The following RBFOX1 variants were observed in gnomAD, a reference collection of about 807,000 sequenced individuals.
RBFOX1 encodes RNA binding protein fox-1 homolog 1.
In RBFOX1, 8 loss-of-function variants were observed where a neutral mutation model predicts 57.7. That is an observed-to-expected ratio of 0.14 (90% CI 0.08 to 0.25). The LOEUF (loss-of-function observed/expected upper bound fraction) is 0.25, where lower values mean the gene tolerates loss of function less well. RBFOX1 is among the 10% of genes least tolerant of loss of function. RBFOX1 has a pLI of 1.00. For synonymous variants in RBFOX1, 326 were observed against 222.4 expected (o/e 1.47, Z -4.15); for missense variants, 611 against 548.5 (o/e 1.11, Z -1.14).
At chr16:6,728,610 C>T (rs551806469) in intron 3 of RBFOX1, among the ~76,000 whole-genome samples, 10 of 152,138 alleles carry the variant, frequency 6.6e-5, no homozygotes, top group Non-Finnish European at 1.2e-4. Flanking sequence ...TCAGAAGCTG[C>T]CTCATATTGG....
chr16:6,064,135 G>T (rs760126432), intron 1 of RBFOX1, among the ~76,000 whole-genome samples: 2 of 152,068 alleles, frequency 1.3e-5, no homozygotes, highest in Non-Finnish European at 2.9e-5. Flanking sequence ...ACTACTGAAG[G>T]TATTTCAGCT....
intron 4 of RBFOX1, among the ~76,000 whole-genome samples, chr16:7,265,824 C>G (rs1026334432): frequency 1.3e-5 from 2 of 152,132 alleles, no homozygotes; most frequent in African/African-American, 2.4e-5. Flanking sequence ...TTTGTCCCCA[C>G]TCAAATCTCA....
intron 4 of RBFOX1, among the ~76,000 whole-genome samples, chr16:7,513,418 G>T (rs188484154): frequency 1.3e-5 from 2 of 152,268 alleles, no homozygotes; most frequent in Non-Finnish European, 2.9e-5. Flanking sequence ...TTATTTCCCA[G>T]CTTTGGTCTG....
chr16:6,038,949 T>C lies in RBFOX1; in HGVS notation c.-127+18957T>C, dbSNP rs2095405440. ...TGTGCATCAGTGTCTATGTGTGGAT[T>C]AGCACTGACATATTACATACCAGCC... On this transcript the variant is annotated intron_variant, in intron 1 of 15. Transcript: ENST00000550418. 2.9e-5 allele frequency: 4 copies of C among 138,438 alleles called. No individual in the cohort carries two copies. The South Asian group carries it at 8.9e-4, about 31-fold the overall frequency. 8.6% of individuals were successfully genotyped at this position (138,438 alleles called of 1,614,324 possible).
At chr16:7,028,354 T>TA (rs1244430712) in intron 3 of RBFOX1, among the ~76,000 whole-genome samples, 1 of 152,072 alleles carries the variant, frequency 6.6e-6, no homozygotes, top group Admixed American at 6.6e-5. Flanking sequence ...GGGCTGGAGT[T>TA]AGATGGGATG....
intron 2 of RBFOX1, among the ~76,000 whole-genome samples, chr16:6,504,247 C>T (rs2096025492): frequency 6.6e-6 from 1 of 152,156 alleles, no homozygotes; most frequent in African/African-American, 2.4e-5. Flanking sequence ...TATGTCGATT[C>T]TGAGCTTCTC....
At chr16:5,873,031 G>C (rs376412225) in intron 4 of RBFOX1, among the ~76,000 whole-genome samples, 164 of 152,074 alleles carry the variant, frequency 1.1e-3, no homozygotes, top group African/African-American at 3.9e-3. Context: ...CGCACCTGTA[G>C]TCCTAGCTAC....
chr16:6,313,884 C>G (rs1045066794), intron 1 of RBFOX1, among the ~76,000 whole-genome samples: 1 of 151,922 alleles, frequency 6.6e-6, no homozygotes, highest in Non-Finnish European at 1.5e-5. Flanking sequence ...TTAGGGTTTT[C>G]TTGCTGTCTG....
intron 3 of RBFOX1, among the ~76,000 whole-genome samples, chr16:7,032,717 C>G (rs114325950): frequency 6.6e-6 from 1 of 151,964 alleles, no homozygotes; most frequent in Non-Finnish European, 1.5e-5. Flanking sequence ...GTAGTTTTAT[C>G]CTCGAATTTC....
At chr16:6,328,122 T>G (rs2082589038) in intron 2 of RBFOX1, among the ~76,000 whole-genome samples, 1 of 152,012 alleles carries the variant, frequency 6.6e-6, no homozygotes, top group Non-Finnish European at 1.5e-5. Context: ...TAAAAAGAAA[T>G]GAATTAGTGG....
chr16:7,346,323 C>G (rs1315059622), intron 4 of RBFOX1, among the ~76,000 whole-genome samples: 2 of 151,784 alleles, frequency 1.3e-5, no homozygotes. Context: ...TAGAGTAAAC[C>G]ACGATGGCAG....
chr16:6,335,692 C>G (rs536407570), intron 2 of RBFOX1, among the ~76,000 whole-genome samples: 8 of 146,442 alleles, frequency 5.5e-5, no homozygotes, highest in Non-Finnish European at 1.2e-4. Context: ...GCAGGAGAAT[C>G]GGTTGAACCC....
intron 3 of RBFOX1, among the ~76,000 whole-genome samples, chr16:6,753,656 C>T (rs8044053): frequency 0.24 from 37,083 of 152,118 alleles, 4,837 homozygotes; most frequent in Non-Finnish European, 0.29. Context: ...TACTTCTCGC[C>T]TGCCTTCCTT....
At chr16:6,469,338 C>A (rs1178418530) in intron 2 of RBFOX1, among the ~76,000 whole-genome samples, 1 of 152,146 alleles carries the variant, frequency 6.6e-6, no homozygotes, top group Non-Finnish European at 1.5e-5. Context: ...AATGATCCCA[C>A]TGACAATCCC....
At chr16:6,813,429 A>G (rs1423405458) in intron 3 of RBFOX1, among the ~76,000 whole-genome samples, 1 of 152,074 alleles carries the variant, frequency 6.6e-6, no homozygotes, top group Non-Finnish European at 1.5e-5. Flanking sequence ...GAATGTTCTC[A>G]TGGCTCTAGT....
At position 7,498,445 on chromosome 16, in the gene RBFOX1, T is replaced by TG. The variant is rs200474627; in HGVS notation, c.28-19699dup. ...TCACAAATATGAATCACATATGTAG[T>TG]GGGTTTTTTTTTATACTTTCTGGTA... On this transcript the variant is annotated intron_variant, in intron 4 of 15. Coordinates refer to ENST00000550418, the MANE Select transcript of RBFOX1 (RefSeq NM_018723.4). Among the ~76,000 whole-genome samples, 95 of 97,772 alleles carry TG rather than the reference T, an allele frequency of 9.7e-4. 2 individuals are homozygous for TG. The highest frequency in any genetic ancestry group is 0.014 in the Middle Eastern group (2 of 142). 64.1% of individuals were successfully genotyped at this position (97,772 alleles called of 152,430 possible).
chr16:6,733,102 A>G (rs2069098516), intron 3 of RBFOX1, among the ~76,000 whole-genome samples: 1 of 152,220 alleles, frequency 6.6e-6, no homozygotes, highest in Admixed American at 6.5e-5. Flanking sequence ...GAAAACAGAA[A>G]TATATGAATA....
intron 2 of RBFOX1, among the ~76,000 whole-genome samples, chr16:6,360,745 C>G (rs999919221): frequency 1.3e-5 from 2 of 152,104 alleles, no homozygotes; most frequent in South Asian, 2.1e-4. Flanking sequence ...TGTTAAGAAG[C>G]TATTCATTTG....
chr16:7,210,745 G>T (rs556049189), intron 4 of RBFOX1, among the ~76,000 whole-genome samples: 3 of 152,146 alleles, frequency 2.0e-5, no homozygotes, highest in Admixed American at 2.0e-4. Flanking sequence ...CAATAAGGGG[G>T]TTCAGGGAGG....
Sources: gnomAD v4.1 joint callset for allele counts (sites outside exome capture counted in the v4.1 genomes callset) on GRCh38, gnomAD v4.1.1 for gene constraint, MANE v1.5 for transcripts, NCBI Gene and HGNC (gene_info 2026-07-23, HGNC 2026-07-21) for gene names.